Variants in FBLN1 observed in about 807,000 individuals in gnomAD.
FBLN1 encodes fibulin-1.
Under a neutral mutation model 89.7 loss-of-function variants are expected in FBLN1, and 34 were observed. The observed-to-expected ratio is 0.38, with a 90% CI of 0.29 to 0.50. The LOEUF (loss-of-function observed/expected upper bound fraction) is 0.50. Among genes scored for constraint, FBLN1 ranks in the 20% least tolerant of loss-of-function variants. The pLI is 0.92. For missense variants in FBLN1, 777 were observed against 988.1 expected, an observed-to-expected ratio of 0.79 and a Z score of 2.86; for synonymous variants, 393 against 391.3, an observed-to-expected ratio of 1.00 and a Z score of -0.05.
chr22:45,591,467 C>T (rs1372352833), intron 16 of FBLN1, among the ~76,000 whole-genome samples: 1 of 152,136 alleles, frequency 6.6e-6, no homozygotes, highest in Admixed American at 6.5e-5. Context: ...TTCAGCTGTC[C>T]CCTCCAAACT....
In FBLN1 at chr22:45,562,618, G is replaced by C. The variant is rs2088860894; in HGVS notation, c.1698-11893G>C. 6.6e-6 allele frequency among the ~76,000 whole-genome samples: 1 copy of C among 152,218 alleles called. No homozygotes were observed. The highest frequency in any genetic ancestry group is 2.1e-4 in the South Asian group (1 of 4,828). On this transcript the variant is annotated intron_variant, in intron 14 of 16. Transcript: ENST00000327858. The surrounding 1 kb of genome is among the most constrained non-coding windows in gnomAD (Gnocchi z 7.8). ...AGGGTGTGCCTGGGGAGTGCCCCTG[G>C]GGTGGGGCTCTGCCAGTGAGCAGGG...
chr22:45,533,719 C>A, intron 6 of FBLN1, 42 bp from the exon 7 acceptor site: 1 of 1,602,882 alleles, frequency 6.2e-7, no homozygotes, highest in South Asian at 1.1e-5. Flanking sequence ...TAGGATGGGT[C>A]GTTCTTGCTG....
rs1401847086 is a variant in FBLN1, at chr22:45,562,838, C to T, written c.1698-11673C>T. ...GCCCCGCCTGCCAGCCCCGCATCCC[C>T]GCGCTCTGCCGTTTCTCCGCTTGCT... is the stretch of plus-strand genomic sequence containing the variant. On this transcript the variant is annotated intron_variant, in intron 14 of 16. Transcript: ENST00000327858. This position sits in a 1 kb window ranked among gnomAD's most constrained non-coding sequence, Gnocchi z 7.8. The T allele has an allele frequency of 3.1e-5, 45 of 1,458,056 alleles. No individual in the cohort carries two copies. Among genetic ancestry groups the T allele is most frequent in the South Asian group, 2.5e-4 (22 of 88,108 alleles). 90.3% of individuals were successfully genotyped at this position (1,458,056 alleles called of 1,614,324 possible). A position where few individuals can be genotyped will look rare whatever the true frequency, so the allele number is the denominator to read the frequency against.
intron 1 of FBLN1, 116 bp from the exon 2 acceptor site, chr22:45,518,566 C>T: frequency 1.3e-6 from 1 of 784,434 alleles, no homozygotes; most frequent in South Asian, 1.5e-5. Context: ...GATGTGCCCC[C>T]AGCCTGATGC....
At chr22:45,558,108 G>A in intron 14 of FBLN1, 1 of 716,788 alleles carries the variant, frequency 1.4e-6, no homozygotes, top group Non-Finnish European at 2.6e-6. Context: ...CATCGGTGCA[G>A]GCTGGAGAAG....
chr22:45,568,557 GGCATGCTCCTTCTGTA>G (rs1569260130), intron 14 of FBLN1, among the ~76,000 whole-genome samples: 174 of 149,044 alleles, frequency 1.2e-3, no homozygotes, highest in African/African-American at 2.5e-3. Flanking sequence ...CCTTCTGTAG[GGCATGCTCCTTCTGTA>G]GGAGAATGCT....
In FBLN1 at chr22:45,581,543, A is replaced by G. The variant is rs1002654037; in HGVS notation, c.1972+4435A>G. On this transcript the variant is annotated intron_variant, in intron 16 of 16. Coordinates refer to ENST00000327858, the MANE Select transcript of FBLN1 (RefSeq NM_006486.3). This position sits in a 1 kb window ranked among gnomAD's most constrained non-coding sequence, Gnocchi z 7.6. The stretch of plus-strand genomic sequence containing the variant: ...AACCCTGCCAATGCCAACAGGAGCT[A>G]CAGAGCCTGCAGGTGAAGTAATTCT... Among the ~76,000 whole-genome samples, 1 of 152,180 alleles carries G rather than the reference A, an allele frequency of 6.6e-6. No homozygotes were observed. The highest frequency in any genetic ancestry group is 2.4e-5 in the African/African-American group (1 of 41,438).
intron 14 of FBLN1, among the ~76,000 whole-genome samples, chr22:45,570,319 C>CAAAAAAAAAAAAAAAAAA (rs761469854): frequency 2.7e-5 from 1 of 36,438 alleles, no homozygotes; most frequent in African/African-American, 7.6e-5. Context: ...GACTCTGTCT[C>CAAAAAAAAAAAAAAAAAA]AAAAAAAAAA....
Position 45,576,139 on chromosome 22 carries a change from G to A in FBLN1, c.1841-838G>A, listed in dbSNP as rs762386971. On this transcript the variant is annotated intron_variant, in intron 15 of 16. Coordinates refer to ENST00000327858, the MANE Select transcript of FBLN1 (RefSeq NM_006486.3). This position sits in a 1 kb window ranked among gnomAD's most constrained non-coding sequence, Gnocchi z 5.2. ...TTTGCTCCTCCCGAAAAGGAATAAC[G>A]CTGAATCGTCACAGGGTGGCACAGA... Among the ~76,000 whole-genome samples, 17 of 152,218 alleles carry A rather than the reference G, an allele frequency of 1.1e-4. No homozygotes were observed. Among genetic ancestry groups the A allele is most frequent in the South Asian group, 2.1e-4 (1 of 4,830 alleles).
intron 6 of FBLN1, 130 bp from the exon 7 acceptor site, chr22:45,533,631 G>T: frequency 9.9e-7 from 1 of 1,012,562 alleles, no homozygotes; most frequent in Admixed American, 1.7e-5. Flanking sequence ...TGTGCACATG[G>T]TGGACCTGAG....
Position 45,571,656 on chromosome 22 carries a change from A to G in FBLN1, c.1698-2855A>G, listed in dbSNP as rs116688802. Among the ~76,000 whole-genome samples, 130 of 152,344 alleles carry G rather than the reference A, an allele frequency of 8.5e-4. 1 individual carries two copies. Among genetic ancestry groups the G allele is most frequent in the African/African-American group, 2.8e-3 (115 of 41,566 alleles). Reference sequence around the variant, plus strand: ...TGTGGAAGAAAGAATGTGCCTTTGTAATACAGAAGAGATTAATTAAAAAAC... The same window carrying G: ...TGTGGAAGAAAGAATGTGCCTTTGTGATACAGAAGAGATTAATTAAAAAAC... On this transcript the variant is annotated intron_variant, in intron 14 of 16. Coordinates refer to ENST00000327858, the MANE Select transcript of FBLN1 (RefSeq NM_006486.3).
At chr22:45,592,978 C>G (rs1410088699) in intron 16 of FBLN1, among the ~76,000 whole-genome samples, 1 of 152,188 alleles carries the variant, frequency 6.6e-6, no homozygotes, top group African/African-American at 2.4e-5. Flanking sequence ...CACTCCATTA[C>G]ACGTTGTCAG....
At chr22:45,547,541 G>T (rs956319933) in intron 12 of FBLN1, among the ~76,000 whole-genome samples, 3 of 151,564 alleles carry the variant, frequency 2.0e-5, no homozygotes, top group Non-Finnish European at 2.9e-5. Flanking sequence ...GACCATAGGT[G>T]TATACCACCA....
At chr22:45,534,368 A>T (rs2088456100) in intron 7 of FBLN1, among the ~76,000 whole-genome samples, 1 of 151,072 alleles carries the variant, frequency 6.6e-6, no homozygotes, top group Non-Finnish European at 1.5e-5. Context: ...GCTGCCTTCC[A>T]TCCAAATCCA....
In FBLN1 at chr22:45,574,238, T is replaced by A. The variant is rs1197084635; in HGVS notation, c.1698-273T>A. ...AGCTATTGATGCTCAATTCGTGCAGTTGACAAATGTCCAAGCTGTGCTTAT... is the reference window on the plus strand; with the variant it reads ...AGCTATTGATGCTCAATTCGTGCAGATGACAAATGTCCAAGCTGTGCTTAT... On this transcript the variant is annotated intron_variant, in intron 14 of 16. Coordinates refer to ENST00000327858, the MANE Select transcript of FBLN1 (RefSeq NM_006486.3). The surrounding 1 kb of genome is among the most constrained non-coding windows in gnomAD (Gnocchi z 4.1). Among the ~76,000 whole-genome samples, 1 of 152,244 alleles carries A rather than the reference T, an allele frequency of 6.6e-6. No homozygotes were observed. The highest frequency in any genetic ancestry group is 1.5e-5 in the Non-Finnish European group (1 of 68,038).
At position 45,502,952 on chromosome 22, in the gene FBLN1, TCCG is replaced by T. The variant is rs1392634118; in HGVS notation, c.-25_-23del. 1 of 1,031,648 alleles carries T rather than the reference TCCG, an allele frequency of 9.7e-7. No homozygotes were observed. Among genetic ancestry groups the T allele is most frequent in the African/African-American group, 1.7e-5 (1 of 58,242 alleles). 63.9% of individuals were successfully genotyped at this position (1,031,648 alleles called of 1,614,324 possible). A position where few individuals can be genotyped will look rare whatever the true frequency, so the allele number is the denominator to read the frequency against. The stretch of plus-strand genomic sequence containing the variant: ...CCCCAGGACCGCGCCCGCGCCTTTG[TCCG>T]CCGCCGCCCACCGCCCGTCGCCCGC... On this transcript the variant is annotated 5_prime_UTR_variant, in exon 1 of 17. Coordinates refer to ENST00000327858, the MANE Select transcript of FBLN1 (RefSeq NM_006486.3).
intron 3 of FBLN1, 57 bp from the exon 4 acceptor site, chr22:45,527,790 G>A (rs1220031655): frequency 1.9e-6 from 3 of 1,604,748 alleles, no homozygotes; most frequent in African/African-American, 2.7e-5. Context: ...GCCTCTCGTG[G>A]ACCCCGCTGG....
intron 11 of FBLN1, among the ~76,000 whole-genome samples, chr22:45,546,136 G>A (rs9614697): frequency 6.6e-6 from 1 of 151,514 alleles, no homozygotes; most frequent in African/African-American, 2.4e-5. Context: ...CTGAGATTGA[G>A]CTACTTGTAC....
At chr22:45,503,935 C>T (rs930208644) in intron 1 of FBLN1, among the ~76,000 whole-genome samples, 1 of 152,152 alleles carries the variant, frequency 6.6e-6, no homozygotes, top group African/African-American at 2.4e-5. Flanking sequence ...GCCACGAGGT[C>T]CTCTGATCAG....
Sources: allele counts gnomAD v4.1 joint callset (sites outside exome capture counted in the v4.1 genomes callset), GRCh38; gene constraint gnomAD v4.1.1; non-coding constraint Gnocchi (gnomAD v3.1); transcripts MANE v1.5; gene names NCBI Gene and HGNC (gene_info 2026-07-23, HGNC 2026-07-21).